DGKD: variants seen among roughly 807,000 people sequenced by gnomAD.
DGKD encodes the protein DAG kinase delta.
A neutral mutation model predicts 154.4 loss-of-function variants in DGKD; 68 were observed. The observed-to-expected ratio is 0.44, with a 90% CI of 0.36 to 0.54. DGKD has a LOEUF of 0.54. Ranked by LOEUF, DGKD falls within the 20% of genes least tolerant of loss-of-function variation. The pLI, the probability that DGKD is intolerant of heterozygous loss-of-function variation, is 0.00. For missense variants in DGKD, 1,343 were observed against 1,593.6 expected (o/e 0.84, Z 2.68); for synonymous variants, 693 against 638.0 (o/e 1.09, Z -1.30).
At position 233,445,593 on chromosome 2, in the gene DGKD, G is replaced by A. The variant is rs760948494; in HGVS notation, c.1195-30G>A. 1.3e-6 allele frequency: 2 copies of A among 1,574,560 alleles called. No individual in the cohort carries two copies. Among genetic ancestry groups the A allele is most frequent in the Admixed American group, 1.8e-5 (1 of 55,572 alleles). On this transcript the variant is annotated intron_variant, in intron 10 of 29. Coordinates refer to ENST00000264057, the MANE Select transcript of DGKD (RefSeq NM_152879.3). This position sits in a 1 kb window ranked among gnomAD's most constrained non-coding sequence, Gnocchi z 5.5. The stretch of plus-strand genomic sequence containing the variant: ...AAGTGGCCCCTGCCCCCAGGTGTTT[G>A]CCTGCGCATCGTCCCCCATGTTTCC...
intron 3 of DGKD, among the ~76,000 whole-genome samples, chr2:233,415,897 T>A (rs145698496): frequency 6.6e-6 from 1 of 152,144 alleles, no homozygotes; most frequent in Non-Finnish European, 1.5e-5. Context: ...AAGCACTGAT[T>A]GGCAGGCATG....
intron 3 of DGKD, chr2:233,409,178 T>C (rs2061760475): frequency 6.6e-6 from 1 of 152,278 alleles, no homozygotes; most frequent in African/African-American, 2.4e-5. Flanking sequence ...TAAGCCATTT[T>C]CACCTTATGA....
chr2:233,449,368 C>T lies in DGKD; in HGVS notation c.1880C>T (p.Thr627Ile). The T allele has an allele frequency of 6.3e-7, 1 of 1,594,184 alleles. No individual in the cohort carries two copies. Among genetic ancestry groups the T allele is most frequent in the Non-Finnish European group, 8.6e-7 (1 of 1,163,708 alleles). The change falls in exon 15 of 30, where the codon ACA (threonine) becomes ATA (isoleucine). Residue 627 changes from threonine to isoleucine, a missense_variant. Around this residue, in one of 6 missense-constraint regions of DGKD, gnomAD observed 409 missense variants for 446.0 expected, o/e 0.92. Coordinates refer to ENST00000264057, the MANE Select transcript of DGKD (RefSeq NM_152879.3). This position sits in a 1 kb window ranked among gnomAD's most constrained non-coding sequence, Gnocchi z 5.3. ...KKAIRQIIEH[T>I]EKAVDEQNAQ... ...GCAATTCGTCAGATCATAGAACACA[C>T]AGAAAAAGGTAACTGGCCTTGTGAT...
At chr2:233,362,075 T>A (rs1574974454) in intron 1 of DGKD, among the ~76,000 whole-genome samples, 1 of 152,098 alleles carries the variant, frequency 6.6e-6, no homozygotes, top group African/African-American at 2.4e-5. Context: ...TGGGATTACA[T>A]GCGTGAGCCA....
At chr2:233,383,737 C>G (rs144074416) in intron 1 of DGKD, among the ~76,000 whole-genome samples, 1 of 152,318 alleles carries the variant, frequency 6.6e-6, no homozygotes, top group Non-Finnish European at 1.5e-5. Flanking sequence ...CTGCCTGTTA[C>G]ACATCAAGCT....
At chr2:233,377,927 C>T (rs1160632242) in intron 1 of DGKD, among the ~76,000 whole-genome samples, 1 of 152,108 alleles carries the variant, frequency 6.6e-6, no homozygotes, top group Non-Finnish European at 1.5e-5. Context: ...GATCCTCCCA[C>T]CTCAGCCTCT....
At chr2:233,422,280 C>T (rs994826891) in intron 3 of DGKD, among the ~76,000 whole-genome samples, 1 of 152,260 alleles carries the variant, frequency 6.6e-6, no homozygotes, top group African/African-American at 2.4e-5. Context: ...GGTTACATAG[C>T]TCCACTGATT....
chr2:233,415,183 G>C (rs770659953), intron 3 of DGKD, among the ~76,000 whole-genome samples: 6 of 152,226 alleles, frequency 3.9e-5, no homozygotes, highest in Non-Finnish European at 5.9e-5. Context: ...AGGAGACATG[G>C]CTGTTTTCCC....
chr2:233,460,985 G>A lies in DGKD; in HGVS notation c.2981+640G>A, dbSNP rs1289743901. Among the ~76,000 whole-genome samples, 3 of 147,432 alleles carry A rather than the reference G, an allele frequency of 2.0e-5. No homozygotes were observed. The South Asian group carries it at 6.5e-4, about 32-fold the overall frequency. On this transcript the variant is annotated intron_variant, in intron 24 of 29. Transcript: ENST00000264057. ...TCACTTTGCCCTCGTTTTACCCTGAGAACAGGCTTGCTCTTTGTTCTCAAG... is the reference window on the plus strand; with the variant it reads ...TCACTTTGCCCTCGTTTTACCCTGAAAACAGGCTTGCTCTTTGTTCTCAAG...
chr2:233,367,480 C>T (rs577168982), intron 1 of DGKD, among the ~76,000 whole-genome samples: 2 of 152,242 alleles, frequency 1.3e-5, no homozygotes, highest in East Asian at 1.9e-4. Flanking sequence ...CCGCCCACCT[C>T]GGCCTCCCAA....
rs533859903 is a variant in DGKD at position 233,383,127 on chromosome 2, G to A, written c.157-5130G>A. ...ATGATCTCGGCCCACTGCAACCTCCGTCTGCTGGGTTCAAGCGATTCTTAT... is the reference window on the plus strand; with the variant it reads ...ATGATCTCGGCCCACTGCAACCTCCATCTGCTGGGTTCAAGCGATTCTTAT... On this transcript the variant is annotated intron_variant, in intron 1 of 29. Coordinates refer to ENST00000264057, the MANE Select transcript of DGKD (RefSeq NM_152879.3). Among the ~76,000 whole-genome samples, 357 of 150,850 alleles carry A rather than the reference G, an allele frequency of 2.4e-3. 2 individuals are homozygous for A. The highest frequency in any genetic ancestry group is 7.7e-3 in the African/African-American group (314 of 40,978).
At chr2:233,463,700 A>G in intron 26 of DGKD, 1 of 206,124 alleles carries the variant, frequency 4.9e-6, no homozygotes, top group Non-Finnish European at 1.0e-5. Flanking sequence ...CACTCCACGC[A>G]TCACCTCACT....
intron 3 of DGKD, among the ~76,000 whole-genome samples, chr2:233,395,723 C>T (rs1703978319): frequency 6.7e-6 from 1 of 149,630 alleles, no homozygotes; most frequent in Non-Finnish European, 1.5e-5. Flanking sequence ...GGCTGGAGTG[C>T]AGTGGCATGA....
At chr2:233,363,827 T>A (rs1701898377) in intron 1 of DGKD, among the ~76,000 whole-genome samples, 1 of 152,238 alleles carries the variant, frequency 6.6e-6, no homozygotes, top group Non-Finnish European at 1.5e-5. Context: ...GCTCTATGGG[T>A]TTGTAGTCCA....
At chr2:233,371,922 C>G (rs1215103831) in intron 1 of DGKD, among the ~76,000 whole-genome samples, 2 of 152,158 alleles carry the variant, frequency 1.3e-5, no homozygotes, top group Non-Finnish European at 2.9e-5. Context: ...TAGAATCATT[C>G]TTATGTATGG....
chr2:233,382,734 A>T (rs1702963421), intron 1 of DGKD, among the ~76,000 whole-genome samples: 1 of 152,150 alleles, frequency 6.6e-6, no homozygotes, highest in Admixed American at 6.5e-5. Context: ...ATAGTCTGAG[A>T]TTTTACTTCT....
In DGKD at chr2:233,469,701, C is replaced by G. The variant is rs2063948816; in HGVS notation, c.*241C>G. The stretch of plus-strand genomic sequence containing the variant: ...ACCTTTGAAACAACACTTTCTCCAG[C>G]TCAGAGTCACCTGGGGCACATGTGT... On this transcript the variant is annotated 3_prime_UTR_variant, in exon 30 of 30. Coordinates refer to ENST00000264057, the MANE Select transcript of DGKD (RefSeq NM_152879.3). 1.9e-6 allele frequency: 1 copy of G among 524,724 alleles called. No homozygotes were observed. The highest frequency in any genetic ancestry group is 3.4e-6 in the Non-Finnish European group (1 of 291,638). 32.5% of individuals were successfully genotyped at this position (524,724 alleles called of 1,614,324 possible). A position where few individuals can be genotyped will look rare whatever the true frequency, so the allele number is the denominator to read the frequency against.
intron 3 of DGKD, among the ~76,000 whole-genome samples, chr2:233,398,658 T>C (rs2061482787): frequency 6.6e-6 from 1 of 152,186 alleles, no homozygotes; most frequent in South Asian, 2.1e-4. Flanking sequence ...ACAGTCTCAC[T>C]GTGTCGCCCA....
intron 1 of DGKD, among the ~76,000 whole-genome samples, chr2:233,359,867 C>T (rs141793233): frequency 3.3e-5 from 5 of 152,140 alleles, no homozygotes; most frequent in Admixed American, 6.5e-5. Flanking sequence ...GTGATGGGGA[C>T]GGGTGCTGAT....
Sources: gnomAD v4.1 joint callset for allele counts (sites outside exome capture counted in the v4.1 genomes callset) on GRCh38, gnomAD v4.1.1 for gene constraint, gnomAD v4.1.1 regional missense constraint, Gnocchi (gnomAD v3.1) non-coding constraint, MANE v1.5 for transcripts, NCBI Gene and HGNC (gene_info 2026-07-23, HGNC 2026-07-21) for gene names.